Variants in IFT46 observed in about 807,000 individuals in gnomAD.
The protein encoded by IFT46 is intraflagellar transport 46.
In IFT46, 19 loss-of-function variants were observed where a neutral mutation model predicts 39.6. The observed-to-expected ratio is 0.48, with a 90% CI of 0.33 to 0.70. The LOEUF (loss-of-function observed/expected upper bound fraction) is 0.70. Ranked by LOEUF, IFT46 falls within the 30% of genes least tolerant of loss-of-function variation. IFT46 has a pLI of 0.01. For missense variants in IFT46, 334 were observed against 364.8 expected (o/e 0.92, Z 0.69); for synonymous variants, 117 against 134.8 (o/e 0.87, Z 0.91).
At chr11:118,556,691 G>A (rs1333227043) in intron 4 of IFT46, among the ~76,000 whole-genome samples, 3 of 152,082 alleles carry the variant, frequency 2.0e-5, no homozygotes, top group African/African-American at 4.8e-5. Context: ...AAACGTTTCA[G>A]ATAGTAAAGT....
At chr11:118,563,983 G>T (rs782338259) in intron 2 of IFT46, among the ~76,000 whole-genome samples, 1 of 150,432 alleles carries the variant, frequency 6.6e-6, no homozygotes, top group African/African-American at 2.4e-5. Flanking sequence ...AGGTGGATCA[G>T]TTGGGGTCAG....
chr11:118,571,188 A>G (rs1938328571), intron 1 of IFT46, among the ~76,000 whole-genome samples: 1 of 152,190 alleles, frequency 6.6e-6, no homozygotes, highest in Non-Finnish European at 1.5e-5. Context: ...TTTCGTATTA[A>G]TGGAATCATA....
intron 2 of IFT46, chr11:118,561,137 G>A: frequency 6.8e-7 from 1 of 1,471,750 alleles, no homozygotes; most frequent in Non-Finnish European, 9.4e-7. Flanking sequence ...TACAGGTCTT[G>A]CCAGAACTAC....
At chr11:118,567,832 C>T (rs1357762038), upstream of IFT46, among the ~76,000 whole-genome samples, 1 of 152,172 alleles carries the variant, frequency 6.6e-6, no homozygotes, top group Non-Finnish European at 1.5e-5. Flanking sequence ...TAGATTATAT[C>T]ATCTAATTTA....
chr11:118,561,846 A>T (rs2135507157), intron 2 of IFT46, among the ~76,000 whole-genome samples: 1 of 152,332 alleles, frequency 6.6e-6, no homozygotes. Context: ...AACAATTAAA[A>T]GGATAATTAA....
At chr11:118,546,044 T>A in intron 9 of IFT46, 191 bp from the exon 10 acceptor site, 1 of 712,748 alleles carries the variant, frequency 1.4e-6, no homozygotes, top group East Asian at 2.7e-5. Flanking sequence ...GGAGATAACA[T>A]CTTTAAAGAG....
At chr11:118,551,463 C>T (rs1951800216) in intron 9 of IFT46, among the ~76,000 whole-genome samples, 2 of 151,948 alleles carry the variant, frequency 1.3e-5, no homozygotes, top group Non-Finnish European at 2.9e-5. Context: ...TGCTTGAGCC[C>T]AGGAGTTTGA....
upstream of IFT46, among the ~76,000 whole-genome samples, chr11:118,574,722 C>A (rs1400443974): frequency 6.6e-6 from 1 of 151,876 alleles, no homozygotes; most frequent in Non-Finnish European, 1.5e-5. Flanking sequence ...CTCATGACTT[C>A]ATCATAAAAT....
At chr11:118,575,974 GTTTT>G (rs150069695), upstream of IFT46, among the ~76,000 whole-genome samples, 1 of 143,280 alleles carries the variant, frequency 7.0e-6, no homozygotes, top group Admixed American at 7.0e-5. Context: ...CACTGTAGTT[GTTTT>G]TTTTTTTTTC....
chr11:118,554,136 C>T (rs1304337694), intron 7 of IFT46, among the ~76,000 whole-genome samples: 8 of 151,246 alleles, frequency 5.3e-5, no homozygotes, highest in African/African-American at 1.7e-4. Flanking sequence ...CTGCAAGCTC[C>T]GCCTCCCGGG....
intron 2 of IFT46, among the ~76,000 whole-genome samples, chr11:118,562,718 A>T (rs1208159137): frequency 3.3e-5 from 5 of 152,328 alleles, no homozygotes; most frequent in Middle Eastern, 3.4e-3. Flanking sequence ...GTTATTCACA[A>T]TAGCCAAAAT....
At chr11:118,547,455 G>A (rs1555067428) in intron 9 of IFT46, among the ~76,000 whole-genome samples, 1 of 152,158 alleles carries the variant, frequency 6.6e-6, no homozygotes, top group Non-Finnish European at 1.5e-5. Context: ...GTCTTGCTCT[G>A]TTGCCCAGAC....
At chr11:118,555,936 G>C (rs1937816183) in intron 4 of IFT46, among the ~76,000 whole-genome samples, 1 of 150,168 alleles carries the variant, frequency 6.7e-6, no homozygotes, top group Non-Finnish European at 1.5e-5. Context: ...AAAAAAAAGA[G>C]ATTTAAATAT....
At chr11:118,569,052 A>G (rs1031200570), upstream of IFT46, among the ~76,000 whole-genome samples, 8 of 151,328 alleles carry the variant, frequency 5.3e-5, no homozygotes, top group Non-Finnish European at 8.8e-5. Flanking sequence ...AGGCTGAGGC[A>G]GGCAGATCAC....
At chr11:118,551,055 C>T (rs1339422159) in intron 9 of IFT46, among the ~76,000 whole-genome samples, 1 of 145,738 alleles carries the variant, frequency 6.9e-6, no homozygotes, top group East Asian at 2.1e-4. Context: ...AACTATCTTT[C>T]TTATATATCA....
intron 10 of IFT46, 37 bp downstream of exon 10, chr11:118,545,756 C>G (rs1555066927): frequency 1.3e-6 from 2 of 1,597,630 alleles, no homozygotes; most frequent in African/African-American, 2.7e-5. Context: ...GTGTCTCTAT[C>G]CAGAGATGGG....
In IFT46 at chr11:118,552,319, T is replaced by C. The variant is rs781999357; in HGVS notation, c.500A>G (p.Lys167Arg). 1.2e-6 allele frequency: 2 copies of C among 1,614,116 alleles called. No homozygotes were observed. Among genetic ancestry groups the C allele is most frequent in the East Asian group, 2.2e-5 (1 of 44,904 alleles). ...QHNITQHMKVKSLEDAEKNPK... is the reference protein window; with the variant it reads ...QHNITQHMKVRSLEDAEKNPK... Reference sequence around the variant, plus strand: ...ATTCTTTTCTGCATCTTCTAGGCTTTTTACTTTCATATGTTGCTAGGAAAG... The same window carrying C: ...ATTCTTTTCTGCATCTTCTAGGCTTCTTACTTTCATATGTTGCTAGGAAAG... The change falls in exon 8 of 12, where the codon AAA (lysine) becomes AGA (arginine). Residue 167 changes from lysine to arginine, a missense_variant. Coordinates refer to ENST00000264021, the MANE Select transcript of IFT46 (RefSeq NM_001168618.2).
intron 3 of IFT46, among the ~76,000 whole-genome samples, chr11:118,559,115 G>C (rs151189539): frequency 6.6e-6 from 1 of 151,670 alleles, no homozygotes; most frequent in Admixed American, 6.6e-5. Flanking sequence ...TGATCCGCCC[G>C]CCTCGGCCTC....
chr11:118,574,033 A>G (rs1319053941), upstream of IFT46, among the ~76,000 whole-genome samples: 2 of 152,200 alleles, frequency 1.3e-5, no homozygotes, highest in Non-Finnish European at 2.9e-5. Flanking sequence ...TCTTTGTTAA[A>G]AGGTTCTTGG....
Sources: gnomAD v4.1 joint callset for allele counts (sites outside exome capture counted in the v4.1 genomes callset) on GRCh38, gnomAD v4.1.1 for gene constraint, MANE v1.5 for transcripts, NCBI Gene and HGNC (gene_info 2026-07-23, HGNC 2026-07-21) for gene names.